The following RIF1 variants were observed in gnomAD, a reference collection of about 807,000 sequenced individuals.
RIF1 encodes the protein replication timing regulatory factor 1.
In RIF1, 45 loss-of-function variants were observed where a neutral mutation model predicts 247.1. That is an observed-to-expected ratio of 0.18 (90% CI 0.14 to 0.23). The LOEUF is 0.23. Among genes scored for constraint, RIF1 ranks in the 10% least tolerant of loss-of-function variants. The pLI is 1.00. For synonymous variants in RIF1, 1,087 were observed against 978.8 expected, an observed-to-expected ratio of 1.11 and a Z score of -2.06; for missense variants, 2,967 against 2,862.5, an observed-to-expected ratio of 1.04 and a Z score of -0.83.
In RIF1 at chr2:151,460,131, A is replaced by G; in HGVS notation, c.3075+12A>G. 1 of 1,519,238 alleles carries G rather than the reference A, an allele frequency of 6.6e-7. No homozygotes were observed. The highest frequency in any genetic ancestry group is 8.9e-7 in the Non-Finnish European group (1 of 1,123,204). The allele number at this position is 1,519,238 out of a possible 1,614,324, so 94.1% of individuals were successfully genotyped here. ...AACCAGCAGCCAAAGTATGTTTTCA[A>G]AAGTTTAATCAAAAATTTTAAGATA... On this transcript the variant is annotated intron_variant, in intron 26 of 35. Transcript: ENST00000444746.
At chr2:151,431,579 C>G (rs117174208) in intron 9 of RIF1, among the ~76,000 whole-genome samples, 1 of 152,206 alleles carries the variant, frequency 6.6e-6, no homozygotes, top group Admixed American at 6.5e-5. Context: ...CCTGAGTTCT[C>G]GAGTTAGAGA....
chr2:151,518,177 G>A, the RIF1 span: 3 of 691,760 alleles, frequency 4.3e-6, no homozygotes, highest in Non-Finnish European at 7.9e-6. Context: ...ATAAGAATTT[G>A]TTTCAAAAAG....
At chr2:151,439,735 A>G (rs984697202) in intron 14 of RIF1, among the ~76,000 whole-genome samples, 4 of 148,862 alleles carry the variant, frequency 2.7e-5, no homozygotes, top group Admixed American at 6.7e-5. Context: ...TGTAATCCCA[A>G]CACTTTGGGA....
intron 10 of RIF1, among the ~76,000 whole-genome samples, chr2:151,495,843 CTT>C (rs1418379760): frequency 6.6e-6 from 1 of 152,138 alleles, no homozygotes; most frequent in South Asian, 2.1e-4. Context: ...CCCAAGGTCT[CTT>C]TGTCCAAATC....
chr2:151,443,890 CTA>C (rs1396535649), intron 18 of RIF1, among the ~76,000 whole-genome samples, 181 bp downstream of exon 18: 2 of 152,116 alleles, frequency 1.3e-5, no homozygotes, highest in African/African-American at 4.8e-5. Context: ...GGTAAAGAAA[CTA>C]TAACTTAATG....
intron 20 of RIF1, among the ~76,000 whole-genome samples, chr2:151,450,767 A>G (rs1694172468): frequency 1.3e-5 from 2 of 152,084 alleles, no homozygotes; most frequent in African/African-American, 2.4e-5. Flanking sequence ...TGTTTTTAGT[A>G]GAGACGGGGT....
chr2:151,444,091 C>G (rs1692820692), intron 18 of RIF1, among the ~76,000 whole-genome samples: 1 of 152,192 alleles, frequency 6.6e-6, no homozygotes. Flanking sequence ...TATAGCATTT[C>G]CTTAAGTCAG....
chr2:151,466,587 G>A (rs565981811), intron 30 of RIF1, among the ~76,000 whole-genome samples: 21 of 151,180 alleles, frequency 1.4e-4, no homozygotes, highest in Admixed American at 7.2e-4. Flanking sequence ...ACTTGTAGAT[G>A]TGATCTTATT....
chr2:151,447,013 G>A (rs542760117), intron 20 of RIF1, among the ~76,000 whole-genome samples: 1 of 146,586 alleles, frequency 6.8e-6, no homozygotes, highest in East Asian at 2.0e-4. Context: ...GCGCGATCTC[G>A]GCTCACTGCA....
chr2:151,439,954 CAG>C (rs1248745929), intron 14 of RIF1, 71 bp from the exon 15 acceptor site: 2 of 655,024 alleles, frequency 3.1e-6, no homozygotes, highest in East Asian at 3.2e-5. Flanking sequence ...GCTTGGGTGA[CAG>C]AGCAAGACCC....
chr2:151,489,941 A>G (rs2054834544), intron 9 of RIF1: 2 of 1,508,114 alleles, frequency 1.3e-6, no homozygotes, highest in African/African-American at 2.7e-5. Context: ...ATTAAGAATA[A>G]TTTATTTAAG....
chr2:151,516,914 A>G, the RIF1 span, among the ~76,000 whole-genome samples: 1 of 152,340 alleles, frequency 6.6e-6, no homozygotes, highest in African/African-American at 2.4e-5. Context: ...AGCTGTAAAC[A>G]CTTTAAAATT....
chr2:151,530,480 G>A, the RIF1 span, among the ~76,000 whole-genome samples: 5 of 152,356 alleles, frequency 3.3e-5, no homozygotes, highest in East Asian at 9.6e-4. Context: ...GGGAGCCATA[G>A]TGGGGTTTAC....
At chr2:151,496,566 C>G (rs1160658200) in intron 10 of RIF1, among the ~76,000 whole-genome samples, 1 of 152,170 alleles carries the variant, frequency 6.6e-6, no homozygotes, top group East Asian at 1.9e-4. Flanking sequence ...TCTAGAGAAG[C>G]AGGGACCTCA....
chr2:151,437,702 T>C (rs1691495453), intron 13 of RIF1, among the ~76,000 whole-genome samples: 1 of 152,038 alleles, frequency 6.6e-6, no homozygotes, highest in South Asian at 2.1e-4. Flanking sequence ...AAATAAAAAA[T>C]ATGAAGATAA....
At position 151,481,268 on chromosome 2, in the gene RIF1, C is replaced by T. The variant is rs2049156808; in HGVS notation, c.*6197C>T. 1 of 152,106 alleles carries T rather than the reference C, an allele frequency of 6.6e-6. No individual in the cohort carries two copies. The highest frequency in any genetic ancestry group is 1.5e-5 in the Non-Finnish European group (1 of 68,026). 9.4% of individuals were successfully genotyped at this position (152,106 alleles called of 1,614,324 possible). ...GTCTTGATTACTTAATTTCTGTTAC[C>T]CCTGTGTTTTCCAGAATGGCTTCTC... On this transcript the variant is annotated 3_prime_UTR_variant, in exon 36 of 36. Transcript: ENST00000444746.
intron 31 of RIF1, 111 bp from the exon 32 acceptor site, chr2:151,468,363 T>C: frequency 2.1e-6 from 2 of 974,782 alleles, no homozygotes; most frequent in Admixed American, 2.1e-5. Context: ...GATTACTCTT[T>C]TTATGTTTTT....
At position 151,435,590 on chromosome 2, in the gene RIF1, AGATATTCT is replaced by A; in HGVS notation, c.1195+11_1195+18del. The A allele has an allele frequency of 6.8e-7, 1 of 1,464,472 alleles. No individual in the cohort carries two copies. The highest frequency in any genetic ancestry group is 1.4e-5 in the African/African-American group (1 of 71,914). 90.7% of individuals were successfully genotyped at this position (1,464,472 alleles called of 1,614,324 possible). ...ACTCCTGTACACAAAGGTAAGAGGT[AGATATTCT>A]TGTTTTTTGCTTTTTTAATCAGGCT... On this transcript the variant is annotated intron_variant, in intron 11 of 35. Coordinates refer to ENST00000444746, the MANE Select transcript of RIF1 (RefSeq NM_018151.5).
intron 3 of RIF1, among the ~76,000 whole-genome samples, chr2:151,412,263 TGAG>T (rs1553472143): frequency 1.5e-4 from 23 of 152,066 alleles, no homozygotes; most frequent in Non-Finnish European, 3.1e-4. Flanking sequence ...CTCCAAAGTT[TGAG>T]TTCTCATTTT....
Sources: allele counts gnomAD v4.1 joint callset (sites outside exome capture counted in the v4.1 genomes callset), GRCh38; gene constraint gnomAD v4.1.1; transcripts MANE v1.5; gene names NCBI Gene and HGNC (gene_info 2026-07-23, HGNC 2026-07-21).